Variants in PLAGL2 observed in about 807,000 individuals in gnomAD.
PLAGL2 encodes the protein zinc finger protein PLAGL2.
In PLAGL2, 7 loss-of-function variants were observed where a neutral mutation model predicts 29.0. That is an observed-to-expected ratio of 0.24 (90% CI 0.14 to 0.45). The LOEUF is 0.45. PLAGL2 is among the 20% of genes least tolerant of loss of function. PLAGL2 has a pLI of 0.99. For missense variants in PLAGL2, 454 were observed against 648.2 expected, an observed-to-expected ratio of 0.70 and a Z score of 3.25; for synonymous variants, 234 against 266.0, an observed-to-expected ratio of 0.88 and a Z score of 1.17.
intron 2 of PLAGL2, among the ~76,000 whole-genome samples, chr20:32,200,758 T>G (rs1012114191): frequency 1.3e-5 from 2 of 152,114 alleles, no homozygotes; most frequent in African/African-American, 4.8e-5. Flanking sequence ...ACCCAGCTAA[T>G]TTTTAAAAAA....
At chr20:32,200,585 C>A (rs1346594422) in intron 2 of PLAGL2, among the ~76,000 whole-genome samples, 1 of 151,676 alleles carries the variant, frequency 6.6e-6, no homozygotes, top group Non-Finnish European at 1.5e-5. Context: ...AGGATAAAAT[C>A]AAAATTGCTC....
chr20:32,206,144 A>T (rs1279680677), intron 1 of PLAGL2, among the ~76,000 whole-genome samples: 3 of 152,152 alleles, frequency 2.0e-5, no homozygotes, highest in African/African-American at 7.2e-5. Flanking sequence ...AAAACAAAAC[A>T]AAACAAAACA....
In PLAGL2 at chr20:32,196,662, C is replaced by G. The variant is rs1178349106; in HGVS notation, c.1281G>C (p.Pro427=). 6.5e-7 allele frequency: 1 copy of G among 1,540,400 alleles called. No homozygotes were observed. The highest frequency in any genetic ancestry group is 8.7e-7 in the Non-Finnish European group (1 of 1,144,114). The change falls in exon 3 of 3, where the codon CCG becomes CCC. Residue 427 remains proline (P), a synonymous_variant. Coordinates refer to ENST00000246229, the MANE Select transcript of PLAGL2 (RefSeq NM_002657.3). ...CTCCTGTGGCCCCAGGTGGGTTACA[C>G]GGGGGCAGGTTGAGTGGAAGAAAGC... The part of the protein sequence containing the change: ...LLGFLPLNLP[P]CNPPGATGGL...
At chr20:32,204,338 A>C (rs2047275022) in intron 1 of PLAGL2, among the ~76,000 whole-genome samples, 1 of 152,132 alleles carries the variant, frequency 6.6e-6, no homozygotes, top group Non-Finnish European at 1.5e-5. Context: ...CCCACCTCCC[A>C]CACGTCCACC....
rs138055631 is a variant in PLAGL2, at chr20:32,192,841, G to A, written c.*3611C>T. 924 of 152,732 alleles carry A rather than the reference G, an allele frequency of 6.0e-3. 6 individuals are homozygous for A. Among genetic ancestry groups the A allele is most frequent in the Non-Finnish European group, 9.6e-3 (653 of 68,046 alleles). The allele number at this position is 152,732 out of a possible 1,614,324, so 9.5% of individuals were successfully genotyped here. On this transcript the variant is annotated 3_prime_UTR_variant, in exon 3 of 3. Transcript: ENST00000246229. ...TGTCTCAGGAGTTCTAGTGCCAAAG[G>A]TGGAGAGGTGCAAGTGGGAACAATC...
intron 2 of PLAGL2, among the ~76,000 whole-genome samples, chr20:32,198,922 G>A (rs1399122112): frequency 2.0e-5 from 3 of 152,142 alleles, no homozygotes; most frequent in Non-Finnish European, 4.4e-5. Flanking sequence ...AACACTTTAA[G>A]AAATGTTTTA....
intron 1 of PLAGL2, among the ~76,000 whole-genome samples, chr20:32,206,059 C>G (rs7348695): frequency 0.012 from 1,810 of 152,278 alleles, 37 homozygotes; most frequent in African/African-American, 0.04. Context: ...CAGAACGTTC[C>G]TTGGGATAGA....
chr20:32,200,306 C>G (rs1182951759), intron 2 of PLAGL2, among the ~76,000 whole-genome samples: 1 of 152,106 alleles, frequency 6.6e-6, no homozygotes. Context: ...GGTGTGATCT[C>G]GGCTCACTGC....
At chr20:32,200,837 G>A (rs556880143) in intron 2 of PLAGL2, among the ~76,000 whole-genome samples, 62 of 151,958 alleles carry the variant, frequency 4.1e-4, no homozygotes, top group Non-Finnish European at 7.1e-4. Context: ...CAAGTGATCC[G>A]CCCGCCTCAG....
chr20:32,204,133 T>C (rs1253098868), intron 1 of PLAGL2, among the ~76,000 whole-genome samples: 3 of 152,152 alleles, frequency 2.0e-5, no homozygotes, highest in African/African-American at 4.8e-5. Flanking sequence ...CGAGTGTGCA[T>C]GTTTAGATTG....
Position 32,197,961 on chromosome 20 carries a change from T to C in PLAGL2, c.261-279A>G, listed in dbSNP as rs1357159863. ...AATAGGGAACTGGTTACATAAATTA[T>C]GATAAGTCCATAAAATGACTCAACT... On this transcript the variant is annotated intron_variant, in intron 2 of 2. Coordinates refer to ENST00000246229, the MANE Select transcript of PLAGL2 (RefSeq NM_002657.3). This position sits in a 1 kb window ranked among gnomAD's most constrained non-coding sequence, Gnocchi z 6.6. Among the ~76,000 whole-genome samples the C allele has an allele frequency of 1.3e-5, 2 of 152,188 alleles. No individual in the cohort carries two copies. The highest frequency in any genetic ancestry group is 1.3e-4 in the Admixed American group (2 of 15,274).
chr20:32,205,450 GTATTAT>G (rs930988942), intron 1 of PLAGL2, among the ~76,000 whole-genome samples: 4 of 152,066 alleles, frequency 2.6e-5, no homozygotes, highest in African/African-American at 9.7e-5. Flanking sequence ...ATACTCTCTT[GTATTAT>G]TAGGGCTCCA....
rs991228023 is a variant in PLAGL2, at chr20:32,195,228, T to C, written c.*1224A>G. 1 of 152,378 alleles carries C rather than the reference T, an allele frequency of 6.6e-6. No individual in the cohort carries two copies. Among genetic ancestry groups the C allele is most frequent in the African/African-American group, 2.4e-5 (1 of 41,432 alleles). 9.4% of individuals were successfully genotyped at this position (152,378 alleles called of 1,614,324 possible). A position where few individuals can be genotyped will look rare whatever the true frequency, so the allele number is the denominator to read the frequency against. ...AACAATGTACCCATAGATTAGGACT[T>C]AGCTATCTACCCATTCCTAACCTTC... On this transcript the variant is annotated 3_prime_UTR_variant, in exon 3 of 3. Transcript: ENST00000246229.
chr20:32,197,099 C>T lies in PLAGL2; in HGVS notation c.844G>A (p.Asp282Asn), dbSNP rs1361375770. The change falls in exon 3 of 3, where the codon GAC becomes AAC. Residue 282 changes from aspartate (D) to asparagine (N), a missense_variant. Coordinates refer to ENST00000246229, the MANE Select transcript of PLAGL2 (RefSeq NM_002657.3). The surrounding 1 kb of genome is among the most constrained non-coding windows in gnomAD (Gnocchi z 6.6). Reference sequence around the variant, plus strand: ...GGGAAGGCCTTGGTCCCCATTACGTCCCGAGAGGCCATGCACAGCACAGGG... The same window carrying T: ...GGGAAGGCCTTGGTCCCCATTACGTTCCGAGAGGCCATGCACAGCACAGGG... ...LSPVLCMASRDVMGTKAFPGM... is the reference protein window; with the variant it reads ...LSPVLCMASRNVMGTKAFPGM... 2.5e-6 allele frequency: 4 copies of T among 1,614,082 alleles called. No individual in the cohort carries two copies. The highest frequency in any genetic ancestry group is 3.4e-6 in the Non-Finnish European group (4 of 1,180,044).
chr20:32,197,700 G>A lies in PLAGL2; in HGVS notation c.261-18C>T. On this transcript the variant is annotated intron_variant, in intron 2 of 2. Transcript: ENST00000246229. The surrounding 1 kb of genome is among the most constrained non-coding windows in gnomAD (Gnocchi z 6.6). ...CCATGTGCCTGGGGGTAGAGACAGG[G>A]GATAGGGGAGAAAGCAGAAAGAGGG... The A allele has an allele frequency of 1.2e-6, 2 of 1,604,722 alleles. No homozygotes were observed. The highest frequency in any genetic ancestry group is 1.7e-6 in the Non-Finnish European group (2 of 1,173,234).
In PLAGL2 at chr20:32,197,211, C is replaced by G. The variant is rs763125191; in HGVS notation, c.732G>C (p.Gln244His). The change falls in exon 3 of 3, where the codon CAG becomes CAC. Residue 244 changes from glutamine to histidine, a missense_variant. Physicochemically the swap from Gln to His is conservative, Grantham distance 24 (BLOSUM62 0). Transcript: ENST00000246229. This position sits in a 1 kb window ranked among gnomAD's most constrained non-coding sequence, Gnocchi z 6.6. ...LTRHVKKSHSQELLKIKTEPV... is the reference protein window; with the variant it reads ...LTRHVKKSHSHELLKIKTEPV... ...GCTCTGTCTTGATCTTGAGCAGCTC[C>G]TGCGAGTGGCTCTTCTTGACATGAC... 26 of 1,614,230 alleles carry G rather than the reference C, an allele frequency of 1.6e-5. 1 individual carries two copies. In the South Asian group the frequency reaches 2.7e-4, roughly 17 times the overall value.
intron 2 of PLAGL2, among the ~76,000 whole-genome samples, chr20:32,198,044 G>A (rs546923712): frequency 6.6e-6 from 1 of 152,294 alleles, no homozygotes; most frequent in Admixed American, 6.5e-5. Context: ...GAGACAGGAA[G>A]TAGAAAAAAA....
chr20:32,198,250 G>A (rs1403028019), intron 2 of PLAGL2, among the ~76,000 whole-genome samples: 2 of 152,112 alleles, frequency 1.3e-5, no homozygotes, highest in Non-Finnish European at 2.9e-5. Context: ...ATAAGTTTTG[G>A]TACTTTTTGA....
intron 2 of PLAGL2, among the ~76,000 whole-genome samples, chr20:32,201,494 G>C (rs1161435487): frequency 2.0e-5 from 3 of 152,090 alleles, no homozygotes; most frequent in Non-Finnish European, 4.4e-5. Flanking sequence ...TGAGTCAAGA[G>C]AATCACTTGA....
Sources: gnomAD v4.1 joint callset for allele counts (sites outside exome capture counted in the v4.1 genomes callset) on GRCh38, gnomAD v4.1.1 for gene constraint, Gnocchi (gnomAD v3.1) non-coding constraint, MANE v1.5 for transcripts, NCBI Gene and HGNC (gene_info 2026-07-23, HGNC 2026-07-21) for gene names.